The following DLG2 variants were observed in gnomAD, a reference collection of about 807,000 sequenced individuals.
DLG2 encodes discs large MAGUK scaffold protein 2, also known as disks large homolog 2.
In DLG2, 45 loss-of-function variants were observed where a neutral mutation model predicts 132.5. That is an observed-to-expected ratio of 0.34 (90% CI 0.27 to 0.44). The LOEUF (loss-of-function observed/expected upper bound fraction) is 0.44, where lower values mean the gene tolerates loss of function less well. DLG2 is among the 20% of genes least tolerant of loss of function. DLG2 has a pLI of 1.00. For synonymous variants in DLG2, 424 were observed against 419.6 expected, an observed-to-expected ratio of 1.01 and a Z score of -0.13; for missense variants, 1,045 against 1,196.9, an observed-to-expected ratio of 0.87 and a Z score of 1.87.
chr11:85,615,590 A>G (rs1444671382), intron 2 of DLG2, among the ~76,000 whole-genome samples: 1 of 152,190 alleles, frequency 6.6e-6, no homozygotes, highest in African/African-American at 2.4e-5. Context: ...ATTTATCTAG[A>G]AAAATAAATA....
chr11:84,986,533 C>T (rs540661123), intron 6 of DLG2, among the ~76,000 whole-genome samples: 1 of 152,276 alleles, frequency 6.6e-6, no homozygotes, highest in South Asian at 2.1e-4. Context: ...TAACACAATA[C>T]TAGCTAATCG....
At chr11:85,541,404 T>C (rs2075962534) in intron 3 of DLG2, among the ~76,000 whole-genome samples, 1 of 151,732 alleles carries the variant, frequency 6.6e-6, no homozygotes, top group South Asian at 2.1e-4. Flanking sequence ...TTACTAACTT[T>C]ACAGGTGAGG....
intron 6 of DLG2, among the ~76,000 whole-genome samples, chr11:84,952,272 G>A (rs1336768547): frequency 7.2e-5 from 11 of 152,176 alleles, no homozygotes; most frequent in Admixed American, 6.5e-4. Flanking sequence ...CTGGCCGGGC[G>A]CGGTGGCTCA....
At chr11:84,295,637 C>T (rs897292144) in intron 7 of DLG2, among the ~76,000 whole-genome samples, 9 of 152,102 alleles carry the variant, frequency 5.9e-5, no homozygotes, top group Non-Finnish European at 7.4e-5. Flanking sequence ...TAAGATTCTG[C>T]GAGTTCACTA....
chr11:84,600,218 A>AAGAC (rs1472142964), intron 6 of DLG2, among the ~76,000 whole-genome samples: 3 of 132,456 alleles, frequency 2.3e-5, no homozygotes, highest in African/African-American at 1.0e-4. Flanking sequence ...GAAAGAAAGA[A>AAGAC]AGAAAGAGAA....
rs1555082762 is a variant in DLG2, at chr11:84,600,159, G to GGAAAGAAGGAAAGAAAGAAA, written c.358-65429_358-65428insTTTCTTTCTTTCCTTCTTTC. Among the ~76,000 whole-genome samples, 324 of 96,130 alleles carry GGAAAGAAGGAAAGAAAGAAA rather than the reference G, an allele frequency of 3.4e-3. 2 individuals carry two copies. The highest frequency in any genetic ancestry group is 6.6e-3 in the African/African-American group (152 of 23,104). 63.1% of individuals were successfully genotyped at this position (96,130 alleles called of 152,430 possible). A position where few individuals can be genotyped will look rare whatever the true frequency, so the allele number is the denominator to read the frequency against. ...AAGAAAGAAGGAAAGAAAGAAAGAA[G>GGAAAGAAGGAAAGAAAGAAA]GAAAGAAAGAAAGAAAGAAAGAAAG... On this transcript the variant is annotated intron_variant, in intron 6 of 27. Coordinates refer to ENST00000376104, the MANE Select transcript of DLG2 (RefSeq NM_001142699.3).
At chr11:84,924,375 A>G (rs1274270735) in intron 6 of DLG2, among the ~76,000 whole-genome samples, 4 of 152,194 alleles carry the variant, frequency 2.6e-5, no homozygotes, top group Non-Finnish European at 5.9e-5. Context: ...GCTCCCCATC[A>G]GCTTCCAGCA....
chr11:84,305,759 T>A (rs1253194042), intron 7 of DLG2, among the ~76,000 whole-genome samples: 4 of 152,110 alleles, frequency 2.6e-5, no homozygotes, highest in African/African-American at 7.2e-5. Context: ...TAAGGGCTTA[T>A]GGGGAAGTGG....
In DLG2 at chr11:84,114,170, A is replaced by T. The variant is rs536070450; in HGVS notation, c.625-15123T>A. On this transcript the variant is annotated intron_variant, in intron 9 of 27. Coordinates refer to ENST00000376104, the MANE Select transcript of DLG2 (RefSeq NM_001142699.3). Reference sequence around the variant, plus strand: ...TAAATTATTACTTATAAAAAATTTCAGTTTTAATTTCGAATACGGTAAATA... The same window carrying T: ...TAAATTATTACTTATAAAAAATTTCTGTTTTAATTTCGAATACGGTAAATA... Among the ~76,000 whole-genome samples the T allele has an allele frequency of 1.4e-3, 219 of 152,142 alleles. 1 individual carries two copies. The highest frequency in any genetic ancestry group is 5.0e-3 in the African/African-American group (207 of 41,560).
intron 15 of DLG2, among the ~76,000 whole-genome samples, chr11:83,910,982 G>A (rs1198557236): frequency 9.9e-5 from 15 of 152,160 alleles, no homozygotes; most frequent in South Asian, 2.1e-4. Context: ...ATGATTTGCC[G>A]ATTACACAAA....
At chr11:83,870,360 G>A (rs956396435) in intron 16 of DLG2, among the ~76,000 whole-genome samples, 6 of 152,152 alleles carry the variant, frequency 3.9e-5, no homozygotes, top group African/African-American at 1.2e-4. Context: ...GAGAATATGT[G>A]GCATTCGTCT....
intron 9 of DLG2, among the ~76,000 whole-genome samples, chr11:84,147,513 T>C (rs2095129322): frequency 2.0e-5 from 3 of 152,182 alleles, no homozygotes; most frequent in African/African-American, 4.8e-5. Flanking sequence ...TCTCAAACTA[T>C]TGAAAATAAA....
At chr11:84,981,721 C>T (rs532648165) in intron 6 of DLG2, among the ~76,000 whole-genome samples, 8 of 152,194 alleles carry the variant, frequency 5.3e-5, no homozygotes, top group South Asian at 2.1e-4. Context: ...GCTCTCATGA[C>T]TATTACATCC....
At chr11:84,986,290 G>T (rs753095522) in intron 6 of DLG2, among the ~76,000 whole-genome samples, 1 of 151,906 alleles carries the variant, frequency 6.6e-6, no homozygotes, top group African/African-American at 2.4e-5. Flanking sequence ...AACAAGCAGC[G>T]AGATTGAAAT....
chr11:85,250,245 A>G (rs1172713460), intron 4 of DLG2, among the ~76,000 whole-genome samples: 2 of 152,172 alleles, frequency 1.3e-5, no homozygotes, highest in Non-Finnish European at 2.9e-5. Context: ...CTACATACCC[A>G]GATAACTAAG....
rs544928326 is a variant in DLG2 at position 84,389,346 on chromosome 11, T to C, written c.520-138055A>G. On this transcript the variant is annotated intron_variant, in intron 7 of 27. Transcript: ENST00000376104. Reference sequence around the variant, plus strand: ...GGGGAGGACTCTGATGTTTTTAAACTTCTGTTCTTCAGTTAAAACTCCATA... The same window carrying C: ...GGGGAGGACTCTGATGTTTTTAAACCTCTGTTCTTCAGTTAAAACTCCATA... 2.6e-5 allele frequency among the ~76,000 whole-genome samples: 4 copies of C among 152,240 alleles called. No individual in the cohort carries two copies. In the South Asian group the frequency reaches 8.3e-4, roughly 32 times the overall value.
intron 6 of DLG2, among the ~76,000 whole-genome samples, chr11:84,959,534 C>G (rs918013216): frequency 6.6e-6 from 1 of 152,186 alleles, no homozygotes; most frequent in East Asian, 1.9e-4. Context: ...TTATTGGATA[C>G]AAGACCTCAG....
intron 3 of DLG2, among the ~76,000 whole-genome samples, chr11:85,571,504 T>C (rs1016116895): frequency 6.6e-6 from 1 of 152,262 alleles, no homozygotes; most frequent in South Asian, 2.1e-4. Context: ...ATGCAAGCAG[T>C]TACAACTCTG....
intron 10 of DLG2, among the ~76,000 whole-genome samples, chr11:84,060,039 GCA>G (rs2154131785): frequency 6.6e-6 from 1 of 152,254 alleles, no homozygotes; most frequent in African/African-American, 2.4e-5. Context: ...TAGGTTGGGC[GCA>G]GTGGCTCATG....
Sources: gnomAD v4.1 joint callset for allele counts (sites outside exome capture counted in the v4.1 genomes callset) on GRCh38, gnomAD v4.1.1 for gene constraint, MANE v1.5 for transcripts, NCBI Gene and HGNC (gene_info 2026-07-23, HGNC 2026-07-21) for gene names.